The following EHBP1 variants were observed in gnomAD, a reference collection of about 807,000 sequenced individuals.
EHBP1 encodes the protein EH domain-binding protein 1.
Under a neutral mutation model 144.0 loss-of-function variants are expected in EHBP1, and 55 were observed. That is an observed-to-expected ratio of 0.38 (90% CI 0.31 to 0.48). The LOEUF (loss-of-function observed/expected upper bound fraction) is 0.48. Ranked by LOEUF, EHBP1 falls within the 20% of genes least tolerant of loss-of-function variation. EHBP1 has a pLI of 0.98. For missense variants in EHBP1, 1,200 were observed against 1,364.2 expected (o/e 0.88, Z 1.90); for synonymous variants, 469 against 472.7 (o/e 0.99, Z 0.10).
intron 7 of EHBP1, among the ~76,000 whole-genome samples, chr2:62,842,993 AT>A (rs2048027092): frequency 3.9e-5 from 6 of 152,364 alleles, no homozygotes; most frequent in Admixed American, 3.3e-4. Flanking sequence ...ACCCTTGTTG[AT>A]TAAACATATA....
At chr2:62,847,643 C>T (rs562471174) in intron 7 of EHBP1, among the ~76,000 whole-genome samples, 3 of 152,052 alleles carry the variant, frequency 2.0e-5, no homozygotes, top group Non-Finnish European at 2.9e-5. Flanking sequence ...AGTCCATCCT[C>T]GGTAACATAG....
intron 16 of EHBP1, 53 bp downstream of exon 16, chr2:62,990,893 C>T: frequency 6.5e-7 from 1 of 1,528,108 alleles, no homozygotes; most frequent in Non-Finnish European, 8.8e-7. Context: ...CTTCTAGTTT[C>T]TGCCAGGAGT....
chr2:62,991,258 A>T (rs1052507398), intron 16 of EHBP1, among the ~76,000 whole-genome samples: 17 of 151,966 alleles, frequency 1.1e-4, no homozygotes, highest in East Asian at 7.7e-4. Context: ...AAAAAAAAAA[A>T]AAATTAATTA....
At chr2:62,843,495 G>T (rs1337150009) in intron 7 of EHBP1, among the ~76,000 whole-genome samples, 2 of 152,118 alleles carry the variant, frequency 1.3e-5, no homozygotes, top group East Asian at 3.8e-4. Flanking sequence ...TATGTTCTAA[G>T]TCCTAATAAA....
chr2:62,858,389 C>G (rs747078423), intron 7 of EHBP1: 1 of 1,555,068 alleles, frequency 6.4e-7, no homozygotes, highest in Non-Finnish European at 8.8e-7. Flanking sequence ...TTTGTCTTGA[C>G]TGGCTTCTGT....
intron 1 of EHBP1, among the ~76,000 whole-genome samples, chr2:62,683,476 G>A (rs1216326462): frequency 6.6e-6 from 1 of 151,840 alleles, no homozygotes; most frequent in African/African-American, 2.4e-5. Context: ...TGGCTAACAC[G>A]GTGAAACCCC....
rs377727454 is a variant in EHBP1 at position 62,921,589 on chromosome 2, A to C, written c.1186-21129A>C. 1.2e-4 allele frequency among the ~76,000 whole-genome samples: 18 copies of C among 152,320 alleles called. No homozygotes were observed. The South Asian group carries it at 3.7e-3, about 32-fold the overall frequency. ...ACAAAAGAAGGCAATAATGTAGGAA[A>C]TGAAGGACAAAAAAGACTATGAGGC... On this transcript the variant is annotated intron_variant, in intron 10 of 22. Transcript: ENST00000431489.
At chr2:62,965,266 A>G (rs2058193318) in intron 14 of EHBP1, among the ~76,000 whole-genome samples, 1 of 152,204 alleles carries the variant, frequency 6.6e-6, no homozygotes, top group South Asian at 2.1e-4. Flanking sequence ...AAGCCCTCTA[A>G]TTAATTTCTT....
chr2:62,784,378 G>C (rs988198815), intron 5 of EHBP1, among the ~76,000 whole-genome samples: 4 of 152,154 alleles, frequency 2.6e-5, no homozygotes, highest in African/African-American at 9.7e-5. Flanking sequence ...TGGGTACTGT[G>C]ATATTGGTTA....
chr2:62,823,404 A>G (rs891787889), intron 5 of EHBP1, among the ~76,000 whole-genome samples: 7 of 151,988 alleles, frequency 4.6e-5, no homozygotes, highest in Admixed American at 2.0e-4. Flanking sequence ...TCTTTTGTCC[A>G]ACCCACATGT....
At chr2:62,848,980 A>C (rs1268091855) in intron 7 of EHBP1, among the ~76,000 whole-genome samples, 1 of 152,344 alleles carries the variant, frequency 6.6e-6, no homozygotes, top group African/African-American at 2.4e-5. Context: ...AATGATTTCT[A>C]ACTTTCTGAT....
At chr2:62,910,450 A>C (rs989891364) in intron 10 of EHBP1, among the ~76,000 whole-genome samples, 4 of 152,140 alleles carry the variant, frequency 2.6e-5, no homozygotes, top group African/African-American at 9.7e-5. Flanking sequence ...CATCGTGTTA[A>C]ATTTTTTAAT....
At chr2:63,032,239 AAAAT>A (rs1156984199) in intron 19 of EHBP1, among the ~76,000 whole-genome samples, 3 of 151,714 alleles carry the variant, frequency 2.0e-5, no homozygotes, top group East Asian at 1.9e-4. Context: ...TATAATTTAA[AAAAT>A]AAATAAATAA....
intron 7 of EHBP1, among the ~76,000 whole-genome samples, chr2:62,846,238 G>T (rs189386248): frequency 3.5e-4 from 53 of 152,284 alleles, no homozygotes; most frequent in Non-Finnish European, 5.4e-4. Context: ...CCATCTGACA[G>T]GGCTTGGATG....
At position 62,948,519 on chromosome 2, in the gene EHBP1, G is replaced by A. The variant is rs765432420; in HGVS notation, c.1673G>A (p.Arg558Gln). 4 of 1,614,018 alleles carry A rather than the reference G, an allele frequency of 2.5e-6. No individual in the cohort carries two copies. Among genetic ancestry groups the A allele is most frequent in the East Asian group, 2.2e-5 (1 of 44,856 alleles). ...TATGCAGAGCTTAGTGATCTGAAGC[G>A]GGAGCCTGAACTACAACAGCCTATC... Reference protein sequence around the residue: ...KFYAELSDLKREPELQQPISG... With the variant: ...KFYAELSDLKQEPELQQPISG... The change falls in exon 13 of 23, where the codon CGG becomes CAG. Residue 558 changes from arginine to glutamine, a missense_variant. By Grantham distance (43) the Arg-to-Gln change is conservative. Around this residue, in one of 6 missense-constraint regions of EHBP1, gnomAD observed 543 missense variants for 513.1 expected, o/e 1.06. Coordinates refer to ENST00000431489, the MANE Select transcript of EHBP1 (RefSeq NM_001142616.3).
chr2:62,837,615 C>T lies in EHBP1; in HGVS notation c.634+6457C>T, dbSNP rs1243094217. ...AACCCATCTCACGTGCAGAGACACA[C>T]ATAGGCTCAAAATAAAAGGATGGAG... On this transcript the variant is annotated intron_variant, in intron 7 of 22. Transcript: ENST00000431489. Among the ~76,000 whole-genome samples, 9 of 148,994 alleles carry T rather than the reference C, an allele frequency of 6.0e-5. 1 individual carries two copies. Among genetic ancestry groups the T allele is most frequent in the African/African-American group, 2.2e-4 (9 of 40,876 alleles).
chr2:62,808,121 T>C (rs1273082210), intron 5 of EHBP1, among the ~76,000 whole-genome samples: 22 of 151,752 alleles, frequency 1.4e-4, no homozygotes, highest in Admixed American at 1.4e-3. Flanking sequence ...TTTATCCTGC[T>C]TGGTGTTCTC....
intron 14 of EHBP1, among the ~76,000 whole-genome samples, chr2:62,975,887 T>TATACACACACACACACACAC (rs1446154644): frequency 4.0e-5 from 5 of 123,668 alleles, no homozygotes; most frequent in African/African-American, 1.5e-4. Context: ...TTACTGTATG[T>TATACACACACACACACACAC]ACACACACAC....
chr2:62,981,010 G>C (rs778357390), intron 15 of EHBP1, among the ~76,000 whole-genome samples: 5 of 147,570 alleles, frequency 3.4e-5, no homozygotes, highest in Non-Finnish European at 5.9e-5. Context: ...AGTTGAGGCT[G>C]CAGTGAGCTT....
Sources: allele counts gnomAD v4.1 joint callset (sites outside exome capture counted in the v4.1 genomes callset), GRCh38; gene constraint gnomAD v4.1.1; regional missense constraint gnomAD v4.1.1; transcripts MANE v1.5; gene names NCBI Gene and HGNC (gene_info 2026-07-23, HGNC 2026-07-21).